The following DLEC1 variants were observed in gnomAD, a reference collection of about 807,000 sequenced individuals.
DLEC1 encodes DLEC1 cilia and flagella associated protein, also known as deleted in lung and esophageal cancer protein 1.
In DLEC1, 146 loss-of-function variants were observed where a neutral mutation model predicts 198.1. The ratio of observed to expected loss-of-function variants is 0.74; its 90% CI spans 0.64 to 0.85. The LOEUF is 0.85. Among genes scored for constraint, DLEC1 ranks in the 40% least tolerant of loss-of-function variants. The pLI is 0.00. For synonymous variants in DLEC1, 897 were observed against 866.8 expected (o/e 1.03, Z -0.61); for missense variants, 2,233 against 2,220.0 (o/e 1.01, Z -0.12).
chr3:38,053,019 T>G (rs986592340), intron 2 of DLEC1, among the ~76,000 whole-genome samples: 2 of 152,360 alleles, frequency 1.3e-5, no homozygotes, highest in East Asian at 3.9e-4. Context: ...CTCCAGCTCC[T>G]AACCGCGAGT....
chr3:38,109,528 G>T lies in DLEC1; in HGVS notation c.3226G>T (p.Ala1076Ser). ...TGGGAAGCCCCAGGGACTGCAAGTG[G>T]CCATTACCATCTCTAAGGAGAGCTC... Reference protein sequence around the residue: ...ISGKPQGLQVAITISKESSDC... With the variant: ...ISGKPQGLQVSITISKESSDC... Residue 1076 changes from alanine to serine, a missense_variant, in exon 22 of 37, where the codon GCC becomes TCC. Transcript: ENST00000308059. The T allele has an allele frequency of 6.2e-7, 1 of 1,614,238 alleles. No individual in the cohort carries two copies. Among genetic ancestry groups the T allele is most frequent in the Non-Finnish European group, 8.5e-7 (1 of 1,180,036 alleles).
At chr3:38,091,206 G>A (rs191502107) in intron 10 of DLEC1, among the ~76,000 whole-genome samples, 100 of 152,240 alleles carry the variant, frequency 6.6e-4, no homozygotes, top group South Asian at 6.0e-3. Flanking sequence ...GGCCAGGTGC[G>A]GTGGCTCAGC....
At chr3:38,108,818 C>G (rs1469332904) in intron 21 of DLEC1, among the ~76,000 whole-genome samples, 1 of 152,234 alleles carries the variant, frequency 6.6e-6, no homozygotes, top group Non-Finnish European at 1.5e-5. Flanking sequence ...GCCCAGCTTT[C>G]TGATTTGCCC....
intron 6 of DLEC1, among the ~76,000 whole-genome samples, chr3:38,076,601 G>A (rs1473439081): frequency 3.3e-5 from 5 of 152,150 alleles, no homozygotes; most frequent in Middle Eastern, 3.2e-3. Context: ...CACTTCTTTT[G>A]TGGTGGAATG....
intron 5 of DLEC1, 36 bp from the exon 6 acceptor site, chr3:38,063,801 AAACT>A: frequency 6.8e-7 from 1 of 1,475,070 alleles, no homozygotes; most frequent in South Asian, 1.1e-5. Context: ...TGTATGGATG[AAACT>A]AACAGCCTTT....
At chr3:38,096,283 G>A (rs922880992) in intron 14 of DLEC1, among the ~76,000 whole-genome samples, 1 of 152,176 alleles carries the variant, frequency 6.6e-6, no homozygotes, top group Non-Finnish European at 1.5e-5. Context: ...TCAGGCTGGG[G>A]CTCCAGGCAG....
At chr3:38,067,218 G>A (rs1697073716) in intron 6 of DLEC1, among the ~76,000 whole-genome samples, 1 of 152,160 alleles carries the variant, frequency 6.6e-6, no homozygotes, top group South Asian at 2.1e-4. Flanking sequence ...AAAGTGTAAG[G>A]ATAAAAACAG....
chr3:38,069,960 C>T (rs1697228998), intron 6 of DLEC1, among the ~76,000 whole-genome samples: 1 of 152,190 alleles, frequency 6.6e-6, no homozygotes, highest in Admixed American at 6.5e-5. Flanking sequence ...AGGATTTCAA[C>T]TTTATCTGTA....
chr3:38,083,144 C>T (rs1313633977), intron 6 of DLEC1, among the ~76,000 whole-genome samples: 2 of 151,670 alleles, frequency 1.3e-5, no homozygotes, highest in African/African-American at 2.4e-5. Context: ...TTCTTGGGCT[C>T]ATCGGTCTGA....
Position 38,121,679 on chromosome 3 carries a change from A to C in DLEC1, c.4918A>C (p.Ser1640Arg). ...CGTGCCTGAGCTGCAGCTCTCCACC[A>C]GCTGGGTGGACTTTGGGACCTGCTT... is the stretch of plus-strand genomic sequence containing the variant. ...VAVPELQLST[S>R]WVDFGTCFVS... The change falls in exon 35 of 37, where the codon AGC (serine) becomes CGC (arginine). Residue 1640 changes from serine to arginine, a missense_variant. Physicochemically the swap from Ser to Arg is moderately radical, Grantham distance 110. Coordinates refer to ENST00000308059, the MANE Select transcript of DLEC1 (RefSeq NM_007335.4). The C allele has an allele frequency of 6.2e-7, 1 of 1,614,018 alleles. No homozygotes were observed. The highest frequency in any genetic ancestry group is 1.7e-4 in the Middle Eastern group (1 of 6,058).
intron 13 of DLEC1, 61 bp from the exon 14 acceptor site, chr3:38,095,827 T>G: frequency 1.2e-6 from 2 of 1,605,592 alleles, no homozygotes; most frequent in Non-Finnish European, 8.5e-7. Context: ...TGCCCCAGCC[T>G]TCTCCAGGAC....
chr3:38,089,648 C>T (rs984477168), intron 10 of DLEC1, among the ~76,000 whole-genome samples: 20 of 152,178 alleles, frequency 1.3e-4, no homozygotes, highest in Admixed American at 4.6e-4. Context: ...ACAGGCTCAT[C>T]GAAGCTTTAA....
At chr3:38,120,722 G>T (rs1352488439) in intron 34 of DLEC1, 113 bp downstream of exon 34, 2 of 1,427,684 alleles carry the variant, frequency 1.4e-6, no homozygotes, top group Admixed American at 4.6e-5. Flanking sequence ...AGGAGCCCCT[G>T]CCCCTGTCCT....
intron 8 of DLEC1, 63 bp from the exon 9 acceptor site, chr3:38,086,178 G>T: frequency 6.5e-7 from 1 of 1,535,152 alleles, no homozygotes; most frequent in South Asian, 1.3e-5. Context: ...GGAGAAGCAT[G>T]ACAGTAGGGC....
At chr3:38,077,180 G>A (rs576631018) in intron 6 of DLEC1, among the ~76,000 whole-genome samples, 2 of 152,310 alleles carry the variant, frequency 1.3e-5, no homozygotes, top group South Asian at 2.1e-4. Context: ...GGGATAGCAC[G>A]AGGAGATATC....
chr3:38,083,059 G>A (rs1698143383), intron 6 of DLEC1, among the ~76,000 whole-genome samples: 1 of 151,752 alleles, frequency 6.6e-6, no homozygotes, highest in Admixed American at 6.6e-5. Flanking sequence ...GGAGAAAGAG[G>A]TTGAGGGATA....
intron 10 of DLEC1, among the ~76,000 whole-genome samples, chr3:38,089,228 A>G (rs954021976): frequency 6.6e-6 from 1 of 152,038 alleles, no homozygotes. Context: ...CATTGCAATC[A>G]CCTGAGAGAC....
At chr3:38,075,715 T>C (rs1697574381) in intron 6 of DLEC1, among the ~76,000 whole-genome samples, 1 of 151,482 alleles carries the variant, frequency 6.6e-6, no homozygotes, top group African/African-American at 2.4e-5. Flanking sequence ...AAATAAGGGA[T>C]TGGGGCACAG....
chr3:38,111,585 C>T, intron 23 of DLEC1, 92 bp from the exon 24 acceptor site: 2 of 1,390,532 alleles, frequency 1.4e-6, no homozygotes, highest in South Asian at 1.3e-5. Context: ...CTGCTGGGCA[C>T]CTGGTAGAAT....
Sources: allele counts gnomAD v4.1 joint callset (sites outside exome capture counted in the v4.1 genomes callset), GRCh38; gene constraint gnomAD v4.1.1; transcripts MANE v1.5; gene names NCBI Gene and HGNC (gene_info 2026-07-23, HGNC 2026-07-21).